Variants in L3MBTL4 observed in about 807,000 individuals in gnomAD.
L3MBTL4 encodes the protein L3MBTL histone methyl-lysine binding protein 4.
Under a neutral mutation model 84.5 loss-of-function variants are expected in L3MBTL4, and 70 were observed. That is an observed-to-expected ratio of 0.83 (90% CI 0.68 to 1.01). The LOEUF is 1.01. Among genes scored for constraint, L3MBTL4 ranks in the 50% least tolerant of loss-of-function variants. The pLI is 0.00. For missense variants in L3MBTL4, 715 were observed against 754.8 expected, an observed-to-expected ratio of 0.95 and a Z score of 0.62; for synonymous variants, 274 against 259.8, an observed-to-expected ratio of 1.05 and a Z score of -0.52.
At chr18:5,991,402 C>T (rs144095930) in intron 16 of L3MBTL4, among the ~76,000 whole-genome samples, 12 of 152,310 alleles carry the variant, frequency 7.9e-5, no homozygotes, top group Admixed American at 1.3e-4. Flanking sequence ...ATTCAGTCCT[C>T]AAGATGAACA....
intron 14 of L3MBTL4, among the ~76,000 whole-genome samples, chr18:6,128,039 G>A (rs558358070): frequency 6.2e-5 from 8 of 128,972 alleles, no homozygotes; most frequent in South Asian, 2.7e-4. Flanking sequence ...TGGGTGGGGC[G>A]GGGGAAGAGT....
intron 1 of L3MBTL4, among the ~76,000 whole-genome samples, chr18:6,315,484 T>C (rs936021810): frequency 1.3e-5 from 2 of 152,228 alleles, no homozygotes; most frequent in South Asian, 2.1e-4. Flanking sequence ...AATTAATACT[T>C]ATGACAGCCC....
intron 16 of L3MBTL4, among the ~76,000 whole-genome samples, chr18:5,980,554 C>A (rs2053167924): frequency 6.6e-6 from 1 of 151,408 alleles, no homozygotes; most frequent in Admixed American, 6.6e-5. Context: ...GCCTCAGCTG[C>A]CTGAGTAGCT....
At chr18:6,108,971 T>C (rs1008684897) in intron 14 of L3MBTL4, among the ~76,000 whole-genome samples, 1 of 152,190 alleles carries the variant, frequency 6.6e-6, no homozygotes, top group Admixed American at 6.5e-5. Flanking sequence ...CATCTTCAAA[T>C]ATTGGTATTC....
At chr18:6,189,647 A>G (rs1284435386) in intron 12 of L3MBTL4, among the ~76,000 whole-genome samples, 1 of 152,214 alleles carries the variant, frequency 6.6e-6, no homozygotes, top group South Asian at 2.1e-4. Flanking sequence ...TTAAGTAAAG[A>G]AAATGGATAT....
At chr18:6,258,977 G>A (rs1009410698) in intron 5 of L3MBTL4, among the ~76,000 whole-genome samples, 1 of 152,038 alleles carries the variant, frequency 6.6e-6, no homozygotes, top group African/African-American at 2.4e-5. Flanking sequence ...AATAGGGTAA[G>A]AAAGGAGTGG....
At chr18:6,237,872 G>A (rs1384852451) in intron 10 of L3MBTL4, 92 bp downstream of exon 10, 5 of 893,508 alleles carry the variant, frequency 5.6e-6, no homozygotes, top group Non-Finnish European at 9.5e-6. Context: ...AAATAGATAT[G>A]TATTAAAATC....
At chr18:6,330,211 G>A (rs531586025) in intron 1 of L3MBTL4, among the ~76,000 whole-genome samples, 1 of 152,322 alleles carries the variant, frequency 6.6e-6, no homozygotes, top group East Asian at 1.9e-4. Context: ...CACAGAGTAT[G>A]TGAATTACTT....
chr18:6,071,805 A>AAAG (rs1568067053), intron 16 of L3MBTL4, among the ~76,000 whole-genome samples: 15 of 119,918 alleles, frequency 1.3e-4, no homozygotes, highest in African/African-American at 6.3e-4. Context: ...AAGAAAGAAA[A>AAAG]AGAAAGAAAG....
chr18:5,974,951 A>G (rs663410), intron 16 of L3MBTL4, among the ~76,000 whole-genome samples: 102,477 of 151,306 alleles, frequency 0.68, 35,560 homozygotes, highest in African/African-American at 0.84. Context: ...GTGACAGAGA[A>G]ACCCTGTCTC....
chr18:6,166,399 C>T (rs897713371), intron 13 of L3MBTL4, among the ~76,000 whole-genome samples: 12 of 152,122 alleles, frequency 7.9e-5, no homozygotes, highest in African/African-American at 2.9e-4. Flanking sequence ...CACATCACAC[C>T]TATTCCAAAA....
chr18:6,093,318 T>A, intron 15 of L3MBTL4, 37 bp downstream of exon 15: 1 of 1,535,350 alleles, frequency 6.5e-7, no homozygotes, highest in South Asian at 1.2e-5. Flanking sequence ...TTCTACATGG[T>A]TTACTTTCTG....
At chr18:6,230,067 G>T (rs1008395505) in intron 10 of L3MBTL4, among the ~76,000 whole-genome samples, 1 of 152,046 alleles carries the variant, frequency 6.6e-6, no homozygotes, top group Non-Finnish European at 1.5e-5. Context: ...GCTTAGGGTA[G>T]GTTGACTTTT....
At chr18:6,255,814 A>G (rs979703588) in intron 5 of L3MBTL4, among the ~76,000 whole-genome samples, 1 of 152,150 alleles carries the variant, frequency 6.6e-6, no homozygotes, top group Non-Finnish European at 1.5e-5. Context: ...AGACAAGCAA[A>G]CAGTTTAGGC....
At chr18:6,007,324 T>C (rs2054533912) in intron 16 of L3MBTL4, among the ~76,000 whole-genome samples, 1 of 99,680 alleles carries the variant, frequency 1.0e-5, no homozygotes. Flanking sequence ...CCCTTAAACA[T>C]ATGAAAAAAA....
intron 4 of L3MBTL4, among the ~76,000 whole-genome samples, chr18:6,286,621 GA>G (rs2049602526): frequency 6.6e-6 from 1 of 152,110 alleles, no homozygotes; most frequent in Admixed American, 6.5e-5. Flanking sequence ...GTTTTAAAAG[GA>G]AACATTTTAA....
At chr18:6,307,435 C>CAA (rs10610609) in intron 3 of L3MBTL4, among the ~76,000 whole-genome samples, 1 of 115,380 alleles carries the variant, frequency 8.7e-6, no homozygotes, top group Non-Finnish European at 1.9e-5. Flanking sequence ...GACTCCGTCT[C>CAA]AAAAAAAAAA....
intron 14 of L3MBTL4, among the ~76,000 whole-genome samples, chr18:6,122,112 T>C (rs994204245): frequency 6.6e-6 from 1 of 152,176 alleles, no homozygotes; most frequent in Non-Finnish European, 1.5e-5. Context: ...AAAATAGAAA[T>C]AATAAAACTT....
intron 1 of L3MBTL4, among the ~76,000 whole-genome samples, chr18:6,334,336 A>T (rs899114717): frequency 2.6e-5 from 4 of 152,152 alleles, no homozygotes; most frequent in African/African-American, 4.8e-5. Flanking sequence ...TTAAGAAATG[A>T]TTCAACATTA....
Sources: allele counts gnomAD v4.1 joint callset (sites outside exome capture counted in the v4.1 genomes callset), GRCh38; gene constraint gnomAD v4.1.1; transcripts MANE v1.5; gene names NCBI Gene and HGNC (gene_info 2026-07-23, HGNC 2026-07-21).